The following MAD2L1BP variants were observed in gnomAD, a reference collection of about 807,000 sequenced individuals.
MAD2L1BP encodes the protein MAD2L1 binding protein, also known as MAD2L1-binding protein.
MAD2L1BP carries 22 observed loss-of-function variants against 28.4 expected under a neutral mutation model. That is an observed-to-expected ratio of 0.77 (90% CI 0.55 to 1.10). MAD2L1BP has a LOEUF of 1.10. Among genes scored for constraint, MAD2L1BP ranks in the 50% least tolerant of loss-of-function variants. The pLI is 0.00. For missense variants in MAD2L1BP, 325 were observed against 350.5 expected, an observed-to-expected ratio of 0.93 and a Z score of 0.58; for synonymous variants, 146 against 133.7, an observed-to-expected ratio of 1.09 and a Z score of -0.63.
chr6:43,635,719 AG>A (rs1770164453), upstream of MAD2L1BP: 11 of 648,350 alleles, frequency 1.7e-5, no homozygotes, highest in Middle Eastern at 4.3e-4. Context: ...GGAGGAACGC[AG>A]GGTTCAAATC....
In MAD2L1BP at chr6:43,640,284, A is replaced by G. The variant is rs1351724239; in HGVS notation, c.576A>G (p.Arg192=). ...CAGCTTGTTTGCGCCGTCTCTTCCG[A>G]GCCATATTCATGGCTGATGCCTTTA... ...STAACLRRLF[R]AIFMADAFSE... The change falls in exon 3 of 3, where the codon CGA becomes CGG. Residue 192 remains arginine, a synonymous_variant. Transcript: ENST00000372171. The G allele has an allele frequency of 1.2e-6, 2 of 1,613,704 alleles. No individual in the cohort carries two copies. Among genetic ancestry groups the G allele is most frequent in the South Asian group, 1.1e-5 (1 of 91,030 alleles).
At chr6:43,630,598 C>T (rs1769848533) in intron 1 of MAD2L1BP, among the ~76,000 whole-genome samples, 1 of 152,142 alleles carries the variant, frequency 6.6e-6, no homozygotes, top group Admixed American at 6.6e-5. Context: ...CAAAAATTAG[C>T]TGGGCGTGGT....
rs932957506 is a variant in MAD2L1BP at position 43,640,135 on chromosome 6, G to T, written c.427G>T (p.Ala143Ser). The T allele has an allele frequency of 1.2e-6, 2 of 1,611,568 alleles. No homozygotes were observed. The highest frequency in any genetic ancestry group is 1.7e-6 in the Non-Finnish European group (2 of 1,178,168). ...CCTCAGCCACCTGGAGGACTTCTTT[G>T]CACGGACACTAGTACCGCGAGTGCT... ...SVLSHLEDFF[A>S]RTLVPRVLIL... The change falls in exon 3 of 3, where the codon GCA becomes TCA. Residue 143 changes from alanine (A) to serine (S), a missense_variant. Physicochemically the swap from Ala to Ser is moderately conservative, Grantham distance 99 (BLOSUM62 1). Coordinates refer to ENST00000372171, the MANE Select transcript of MAD2L1BP (RefSeq NM_014628.3).
intron 2 of MAD2L1BP, among the ~76,000 whole-genome samples, chr6:43,639,507 C>A (rs1286367194): frequency 1.3e-5 from 2 of 152,234 alleles, no homozygotes; most frequent in Admixed American, 6.5e-5. Flanking sequence ...GTTTCCAGTT[C>A]TTTCCTCTTG....
At chr6:43,639,975 T>C (rs1339397200) in intron 2 of MAD2L1BP, 46 bp from the exon 3 acceptor site, 6 of 1,498,062 alleles carry the variant, frequency 4.0e-6, no homozygotes. Flanking sequence ...GAGCATTAGC[T>C]TCCCCCTGCC....
Position 43,640,377 on chromosome 6 carries a change from A to C in MAD2L1BP, c.669A>C (p.Glu223Asp). ...VMAQGHRNCG[E>D]DWFRPKLNYR... ...CACAGGGACACCGCAACTGTGGAGAAGATTGGTTTCGACCCAAGCTCAACT... is the reference window on the plus strand; with the variant it reads ...CACAGGGACACCGCAACTGTGGAGACGATTGGTTTCGACCCAAGCTCAACT... The change falls in exon 3 of 3, where the codon GAA becomes GAC. Residue 223 changes from glutamate (E) to aspartate (D), a missense_variant. Coordinates refer to ENST00000372171, the MANE Select transcript of MAD2L1BP (RefSeq NM_014628.3). 6.2e-7 allele frequency: 1 copy of C among 1,614,036 alleles called. No individual in the cohort carries two copies. Among genetic ancestry groups the C allele is most frequent in the Non-Finnish European group, 8.5e-7 (1 of 1,180,012 alleles).
rs1289324504 is a variant in MAD2L1BP at position 43,640,805 on chromosome 6, A to G, written c.*272A>G. The stretch of plus-strand genomic sequence containing the variant: ...CAGGCATTTCTATTAGGAGTTGGAA[A>G]GCAAAAATGGGTCCATAGACACTCT... On this transcript the variant is annotated 3_prime_UTR_variant, in exon 3 of 3. Transcript: ENST00000372171. 2.5e-6 allele frequency: 1 copy of G among 402,326 alleles called. No homozygotes were observed. The allele number at this position is 402,326 out of a possible 1,614,324, so 24.9% of individuals were successfully genotyped here.
chr6:43,630,844 G>A (rs1333317529), upstream of MAD2L1BP, among the ~76,000 whole-genome samples: 3 of 145,710 alleles, frequency 2.1e-5, no homozygotes, highest in Non-Finnish European at 4.4e-5. Context: ...GGGAGGTAGA[G>A]GTTATAGTGA....
upstream of MAD2L1BP, chr6:43,633,172 CT>C (rs547697381): frequency 0.15 from 55,894 of 362,916 alleles, 70 homozygotes; most frequent in South Asian, 0.22. Flanking sequence ...AATCATTGTA[CT>C]TTTTTTTTTT....
chr6:43,630,908 CAAAA>C (rs753239311), upstream of MAD2L1BP, among the ~76,000 whole-genome samples: 9 of 53,606 alleles, frequency 1.7e-4, no homozygotes, highest in Admixed American at 3.9e-4. Context: ...GACTTCGTCT[CAAAA>C]AAAAAAAAAA....
upstream of MAD2L1BP, among the ~76,000 whole-genome samples, chr6:43,632,144 C>A (rs1451442157): frequency 6.6e-6 from 1 of 152,116 alleles, no homozygotes; most frequent in Non-Finnish European, 1.5e-5. Flanking sequence ...AGTTGATCCG[C>A]CTGCCTTGGC....
chr6:43,634,452 C>T (rs989817215), upstream of MAD2L1BP, among the ~76,000 whole-genome samples: 10 of 152,124 alleles, frequency 6.6e-5, no homozygotes, highest in African/African-American at 2.4e-4. Context: ...TGGTATTGAA[C>T]TCCTGGCCTC....
At chr6:43,635,786 CA>C (rs991580329), upstream of MAD2L1BP, 1 of 1,345,882 alleles carries the variant, frequency 7.4e-7, no homozygotes, top group African/African-American at 1.6e-5. Context: ...TTTTCCGACC[CA>C]ACTGAGCCGG....
chr6:43,640,217 C>A lies in MAD2L1BP; in HGVS notation c.509C>A (p.Ser170Tyr). The A allele has an allele frequency of 6.2e-7, 1 of 1,613,964 alleles. No individual in the cohort carries two copies. The highest frequency in any genetic ancestry group is 8.5e-7 in the Non-Finnish European group (1 of 1,179,966). ...AAGGAGTTCTATGAACTCGACTTGT[C>A]TCTGCTGGCCCCCTACAGCGTGGAC... ...SPKEFYELDLSLLAPYSVDQS... is the reference protein window; with the variant it reads ...SPKEFYELDLYLLAPYSVDQS... Residue 170 changes from serine (S) to tyrosine (Y), a missense_variant, in exon 3 of 3, where the codon TCT becomes TAT. By Grantham distance (144) the Ser-to-Tyr change is moderately radical. Coordinates refer to ENST00000372171, the MANE Select transcript of MAD2L1BP (RefSeq NM_014628.3).
chr6:43,634,851 G>T, upstream of MAD2L1BP, among the ~76,000 whole-genome samples: 1 of 152,140 alleles, frequency 6.6e-6, no homozygotes, highest in East Asian at 1.9e-4. Context: ...GAGCCACCGT[G>T]CCTGGCCTCT....
intron 1 of MAD2L1BP, 122 bp downstream of exon 1, chr6:43,636,043 C>T (rs187208898): frequency 4.6e-4 from 466 of 1,021,192 alleles, no homozygotes; most frequent in Admixed American, 6.1e-4. Flanking sequence ...TTCCGGGTGT[C>T]CTACACGGCT....
At chr6:43,636,001 G>A (rs1582364303) in intron 1 of MAD2L1BP, 80 bp downstream of exon 1, 1 of 1,374,494 alleles carries the variant, frequency 7.3e-7, no homozygotes, top group Non-Finnish European at 1.0e-6. Flanking sequence ...TCGTTTATCC[G>A]CTGGTCCTCT....
At position 43,640,733 on chromosome 6, in the gene MAD2L1BP, CA is replaced by C. The variant is rs1461693594; in HGVS notation, c.*202del. 3.6e-6 allele frequency: 2 copies of C among 560,138 alleles called. No homozygotes were observed. Among genetic ancestry groups the C allele is most frequent in the Non-Finnish European group, 6.1e-6 (2 of 326,720 alleles). The allele number at this position is 560,138 out of a possible 1,614,324, so 34.7% of individuals were successfully genotyped here. A position where few individuals can be genotyped will look rare whatever the true frequency, so the allele number is the denominator to read the frequency against. On this transcript the variant is annotated 3_prime_UTR_variant, in exon 3 of 3. Coordinates refer to ENST00000372171, the MANE Select transcript of MAD2L1BP (RefSeq NM_014628.3). The stretch of plus-strand genomic sequence containing the variant: ...GACTGTGACTGTAATCATTGCTGAA[CA>C]ACATCTCTTTGAATCAAAGGTTGAT...
rs1048250762 is a variant in MAD2L1BP at position 43,640,849 on chromosome 6, G to GCT, written c.*319_*320dup. The GCT allele has an allele frequency of 3.1e-4, 83 of 266,442 alleles. No individual in the cohort carries two copies. The highest frequency in any genetic ancestry group is 2.1e-3 in the Middle Eastern group (2 of 942). 16.5% of individuals were successfully genotyped at this position (266,442 alleles called of 1,614,324 possible). A position where few individuals can be genotyped will look rare whatever the true frequency, so the allele number is the denominator to read the frequency against. On this transcript the variant is annotated 3_prime_UTR_variant, in exon 3 of 3. Coordinates refer to ENST00000372171, the MANE Select transcript of MAD2L1BP (RefSeq NM_014628.3). Reference sequence around the variant, plus strand: ...ACACTCTATGGAGGTGTCCCTTTCTGCTCTTTGCTGTGTCCTTTCAGAATT... The same window carrying GCT: ...ACACTCTATGGAGGTGTCCCTTTCTGCTCTCTTTGCTGTGTCCTTTCAGAATT...
Sources: allele counts gnomAD v4.1 joint callset (sites outside exome capture counted in the v4.1 genomes callset), GRCh38; gene constraint gnomAD v4.1.1; transcripts MANE v1.5; gene names NCBI Gene and HGNC (gene_info 2026-07-23, HGNC 2026-07-21).